The following HIP1 variants were observed in gnomAD, a reference collection of about 807,000 sequenced individuals.
HIP1 encodes huntingtin-interacting protein 1.
A neutral mutation model predicts 147.6 loss-of-function variants in HIP1; 65 were observed. That is an observed-to-expected ratio of 0.44 (90% CI 0.36 to 0.54). The LOEUF is 0.54. Among genes scored for constraint, HIP1 ranks in the 20% least tolerant of loss-of-function variants. The probability of loss-of-function intolerance (pLI) is 0.00; values close to 1 mark genes in which losing one functional copy is unlikely to be tolerated. For synonymous variants in HIP1, 479 were observed against 504.0 expected, an observed-to-expected ratio of 0.95 and a Z score of 0.67; for missense variants, 1,061 against 1,299.6, an observed-to-expected ratio of 0.82 and a Z score of 2.82.
chr7:75,707,613 T>C (rs1173374213), intron 1 of HIP1, among the ~76,000 whole-genome samples: 1 of 151,422 alleles, frequency 6.6e-6, no homozygotes, highest in Non-Finnish European at 1.5e-5. Context: ...AAAGTTCATA[T>C]GGAACCAAAA....
At position 75,539,331 on chromosome 7, in the gene HIP1, C is replaced by T; in HGVS notation, c.3053G>A (p.Trp1018Ter). The T allele has an allele frequency of 7.4e-6, 12 of 1,613,564 alleles. No individual in the cohort carries two copies. The highest frequency in any genetic ancestry group is 1.0e-5 in the Non-Finnish European group (12 of 1,179,490). Residue 1018 changes from tryptophan to a stop codon, truncating the protein, a stop_gained, in exon 30 of 31, where the codon TGG becomes TAG. Transcript: ENST00000336926. LOFTEE classifies it high-confidence loss of function. ...HYELAGVAEG[W>*]EEGTEASPPT... ...CCTTGGAGTCAGCTTACCTTCTTCC[C>T]AGCCCTCAGCAACACCAGCAAGCTC...
chr7:75,594,582 T>C (rs1305578994), intron 2 of HIP1, among the ~76,000 whole-genome samples: 1 of 152,108 alleles, frequency 6.6e-6, no homozygotes, highest in Non-Finnish European at 1.5e-5. Context: ...AAGACCAGCC[T>C]GGCCAACATG....
intron 1 of HIP1, among the ~76,000 whole-genome samples, chr7:75,617,060 C>T (rs1284478910): frequency 6.6e-6 from 1 of 150,560 alleles, no homozygotes; most frequent in Non-Finnish European, 1.5e-5. Flanking sequence ...GTGCATGCCA[C>T]CACACCCAGC....
intron 1 of HIP1, among the ~76,000 whole-genome samples, chr7:75,664,853 T>G (rs1799506853): frequency 6.6e-6 from 1 of 152,130 alleles, no homozygotes; most frequent in Non-Finnish European, 1.5e-5. Flanking sequence ...ACTCCTGGCC[T>G]CAAGTGATCT....
chr7:75,622,914 T>C (rs1003323710), intron 1 of HIP1, among the ~76,000 whole-genome samples: 1 of 151,098 alleles, frequency 6.6e-6, no homozygotes, highest in Non-Finnish European at 1.5e-5. Flanking sequence ...TTAAAGGAAA[T>C]TGGCTGGGTG....
At chr7:75,648,037 G>A (rs1007722105) in intron 1 of HIP1, among the ~76,000 whole-genome samples, 6 of 152,226 alleles carry the variant, frequency 3.9e-5, no homozygotes, top group Admixed American at 3.9e-4. Context: ...AGACAGCACA[G>A]GCTGCTATGC....
chr7:75,729,373 G>C (rs149524245), intron 1 of HIP1, among the ~76,000 whole-genome samples: 14,271 of 149,416 alleles, frequency 0.096, 836 homozygotes, highest in Middle Eastern at 0.16. Flanking sequence ...TGTAGTCCCA[G>C]CTGCTCAGGA....
intron 1 of HIP1, among the ~76,000 whole-genome samples, chr7:75,737,141 G>T (rs529617657): frequency 2.9e-4 from 44 of 152,212 alleles, no homozygotes; most frequent in Non-Finnish European, 4.7e-4. Context: ...GTCTAGGCAG[G>T]TATCGAACTC....
Position 75,554,103 on chromosome 7 carries a change from C to A in HIP1, c.2158+10G>T. ...GGTCCATGAACAGCCCCTCATGCCC[C>A]GGTACTCACAGTCGGCAGGCTCAGG... On this transcript the variant is annotated intron_variant, in intron 21 of 30. Coordinates refer to ENST00000336926, the MANE Select transcript of HIP1 (RefSeq NM_005338.7). The A allele has an allele frequency of 6.2e-7, 1 of 1,607,402 alleles. No individual in the cohort carries two copies.
At chr7:75,573,680 G>C in intron 8 of HIP1, 81 bp downstream of exon 8, 2 of 1,428,022 alleles carry the variant, frequency 1.4e-6, no homozygotes, top group Non-Finnish European at 9.7e-7. Flanking sequence ...GAAGGACTGC[G>C]TTTCTCTGGG....
chr7:75,725,157 G>A (rs1380731924), intron 1 of HIP1, among the ~76,000 whole-genome samples: 1 of 151,962 alleles, frequency 6.6e-6, no homozygotes, highest in African/African-American at 2.4e-5. Context: ...CCTAGTAGCT[G>A]GGAATACAGG....
At chr7:75,606,689 TGA>T (rs1797237140) in intron 1 of HIP1, among the ~76,000 whole-genome samples, 1 of 151,964 alleles carries the variant, frequency 6.6e-6, no homozygotes, top group Non-Finnish European at 1.5e-5. Flanking sequence ...CAATGAACAA[TGA>T]GGCCAGGCGG....
At chr7:75,730,121 G>C (rs950896762) in intron 1 of HIP1, among the ~76,000 whole-genome samples, 2 of 152,058 alleles carry the variant, frequency 1.3e-5, no homozygotes, top group Non-Finnish European at 2.9e-5. Context: ...GGGAGATGTG[G>C]GGAGTCAGTG....
At chr7:75,655,688 T>C (rs1481374138) in intron 1 of HIP1, among the ~76,000 whole-genome samples, 2 of 152,160 alleles carry the variant, frequency 1.3e-5, no homozygotes, top group African/African-American at 4.8e-5. Flanking sequence ...GGATCTAGAA[T>C]AAGCAAAGTC....
rs113161989 is a variant in HIP1, at chr7:75,542,070, C to T, written c.2891-90G>A. 6.2e-5 allele frequency: 66 copies of T among 1,057,700 alleles called. No homozygotes were observed. The East Asian group carries it at 7.3e-4, about 12-fold the overall frequency. The allele number at this position is 1,057,700 out of a possible 1,614,324, so 65.5% of individuals were successfully genotyped here. On this transcript the variant is annotated intron_variant, in intron 28 of 30. Transcript: ENST00000336926. ...AGCCAATGCCAATGCTCTGTGGAAA[C>T]GCCTGGCTTGCCATTTGTCAACACT... is the stretch of plus-strand genomic sequence containing the variant.
chr7:75,670,786 C>CTTTTTTTTTTTTTTTTTTT (rs782710876), intron 1 of HIP1, among the ~76,000 whole-genome samples: 7 of 122,842 alleles, frequency 5.7e-5, no homozygotes, highest in African/African-American at 1.3e-4. Flanking sequence ...CTAATTAAAA[C>CTTTTTTTTTTTTTTTTTTT]TTTTTTTTTT....
chr7:75,649,785 T>C (rs1798913478), intron 1 of HIP1, among the ~76,000 whole-genome samples: 1 of 152,194 alleles, frequency 6.6e-6, no homozygotes, highest in African/African-American at 2.4e-5. Flanking sequence ...GGCACTTCCC[T>C]TACTGCTTCT....
chr7:75,543,989 G>A (rs1554490417), intron 27 of HIP1, among the ~76,000 whole-genome samples: 1 of 152,102 alleles, frequency 6.6e-6, no homozygotes, highest in Non-Finnish European at 1.5e-5. Flanking sequence ...TGGCTAACGC[G>A]GTGAAACCCC....
chr7:75,583,756 TTGTGTG>T (rs60640180), intron 5 of HIP1, among the ~76,000 whole-genome samples: 12,751 of 115,432 alleles, frequency 0.11, 704 homozygotes, highest in Middle Eastern at 0.17. Flanking sequence ...GCGGGCTAAT[TTGTGTG>T]TGTGTGTGTG....
Sources: allele counts gnomAD v4.1 joint callset (sites outside exome capture counted in the v4.1 genomes callset), GRCh38; gene constraint gnomAD v4.1.1; transcripts MANE v1.5; gene names NCBI Gene and HGNC (gene_info 2026-07-23, HGNC 2026-07-21).